Variants in COL25A1 observed in about 807,000 individuals in gnomAD.
COL25A1 encodes the protein collagen type XXV alpha 1 chain, also known as collagen alpha-1(XXV) chain.
COL25A1 carries 103 observed loss-of-function variants against 128.4 expected under a neutral mutation model. The observed-to-expected ratio is 0.80, with a 90% CI of 0.68 to 0.94. The LOEUF (loss-of-function observed/expected upper bound fraction) is 0.94, where lower values mean the gene tolerates loss of function less well. Ranked by LOEUF, COL25A1 falls within the 40% of genes least tolerant of loss-of-function variation. The pLI, the probability that COL25A1 is intolerant of heterozygous loss-of-function variation, is 0.00. For synonymous variants in COL25A1, 279 were observed against 277.2 expected (o/e 1.01, Z -0.06); for missense variants, 745 against 840.0 (o/e 0.89, Z 1.40).
At chr4:109,247,947 T>A (rs941084039) in intron 3 of COL25A1, among the ~76,000 whole-genome samples, 5 of 152,112 alleles carry the variant, frequency 3.3e-5, no homozygotes, top group Admixed American at 6.5e-5. Flanking sequence ...GAGAGCTTAC[T>A]GTCATGAAAG....
intron 3 of COL25A1, among the ~76,000 whole-genome samples, chr4:109,144,489 C>G (rs948589453): frequency 6.6e-6 from 1 of 152,192 alleles, no homozygotes; most frequent in Non-Finnish European, 1.5e-5. Flanking sequence ...GCTGAAGTTG[C>G]GCCCACAGCC....
chr4:108,894,146 A>G (rs757034835), intron 16 of COL25A1, among the ~76,000 whole-genome samples: 5 of 152,234 alleles, frequency 3.3e-5, no homozygotes, highest in African/African-American at 4.8e-5. Flanking sequence ...TATATAAAAT[A>G]AGAACAGTAT....
intron 12 of COL25A1, among the ~76,000 whole-genome samples, chr4:108,919,630 T>C (rs1425846313): frequency 6.6e-6 from 1 of 151,866 alleles, no homozygotes; most frequent in African/African-American, 2.4e-5. Flanking sequence ...GCTTGAGGGG[T>C]GTAAGGATGG....
chr4:109,022,852 G>A (rs188269731), intron 5 of COL25A1, among the ~76,000 whole-genome samples: 6 of 152,190 alleles, frequency 3.9e-5, no homozygotes, highest in East Asian at 1.9e-4. Context: ...CACTGCTTTG[G>A]GGTGTTACAG....
At chr4:109,058,484 T>C (rs866089189) in intron 3 of COL25A1, among the ~76,000 whole-genome samples, 2 of 152,188 alleles carry the variant, frequency 1.3e-5, no homozygotes, top group South Asian at 2.1e-4. Flanking sequence ...ATGTTTCTAA[T>C]GGAACTGAGA....
intron 3 of COL25A1, among the ~76,000 whole-genome samples, chr4:109,200,185 C>G (rs1776435699): frequency 6.6e-6 from 1 of 152,192 alleles, no homozygotes. Flanking sequence ...AGTCTTTCTC[C>G]AGCAGCTCCT....
intron 13 of COL25A1, among the ~76,000 whole-genome samples, chr4:108,901,381 T>C (rs1345793735): frequency 4.6e-5 from 7 of 152,122 alleles, no homozygotes; most frequent in Admixed American, 3.3e-4. Context: ...TTGTTCAGTC[T>C]TCTCATCATT....
intron 3 of COL25A1, among the ~76,000 whole-genome samples, chr4:109,137,273 C>T (rs936143328): frequency 6.6e-6 from 1 of 152,174 alleles, no homozygotes; most frequent in Non-Finnish European, 1.5e-5. Context: ...GTAACACTCT[C>T]ACATTAAGCT....
intron 6 of COL25A1, among the ~76,000 whole-genome samples, chr4:108,998,809 C>T (rs1462342531): frequency 2.0e-5 from 3 of 152,018 alleles, no homozygotes; most frequent in Admixed American, 1.3e-4. Context: ...GAAATAACAC[C>T]ACACATCTAC....
intron 3 of COL25A1, among the ~76,000 whole-genome samples, chr4:109,134,603 A>G (rs1195137885): frequency 5.3e-5 from 8 of 152,178 alleles, no homozygotes; most frequent in African/African-American, 1.7e-4. Flanking sequence ...TTGGGGAAGA[A>G]AAAGCTAAGA....
intron 13 of COL25A1, among the ~76,000 whole-genome samples, chr4:108,905,820 A>G (rs1405145): frequency 0.49 from 71,284 of 146,828 alleles, 19,207 homozygotes; most frequent in East Asian, 0.93. Context: ...AAAATGCACC[A>G]GAGAACTCTG....
intron 29 of COL25A1, 81 bp downstream of exon 29, chr4:108,845,108 G>A: frequency 8.5e-7 from 1 of 1,177,824 alleles, no homozygotes. Flanking sequence ...GCAGCCATCT[G>A]GCAGAGGTGG....
intron 19 of COL25A1, among the ~76,000 whole-genome samples, chr4:108,882,208 G>C (rs1172217539): frequency 6.6e-6 from 1 of 151,344 alleles, no homozygotes; most frequent in Non-Finnish European, 1.5e-5. Flanking sequence ...ATATTTTTGT[G>C]ATGGAGGATA....
At chr4:108,985,269 ACT>A (rs1753556920) in intron 6 of COL25A1, among the ~76,000 whole-genome samples, 1 of 151,204 alleles carries the variant, frequency 6.6e-6, no homozygotes, top group Non-Finnish European at 1.5e-5. Context: ...TGCCCCAGTT[ACT>A]CTTTTTCTCA....
At chr4:108,947,608 A>T (rs544017482) in intron 8 of COL25A1, among the ~76,000 whole-genome samples, 1 of 152,300 alleles carries the variant, frequency 6.6e-6, no homozygotes, top group East Asian at 1.9e-4. Context: ...AAAGAAGATG[A>T]AAAGGAGTGG....
At chr4:109,008,987 G>A (rs1047325205) in intron 6 of COL25A1, among the ~76,000 whole-genome samples, 8 of 152,028 alleles carry the variant, frequency 5.3e-5, no homozygotes, top group Admixed American at 1.3e-4. Context: ...CAGGCATGGT[G>A]GCAGGTGGCC....
chr4:109,057,869 T>C (rs972120969), intron 3 of COL25A1, among the ~76,000 whole-genome samples: 1 of 152,132 alleles, frequency 6.6e-6, no homozygotes, highest in Non-Finnish European at 1.5e-5. Context: ...TTTATTAATT[T>C]TATAAGTAGA....
intron 6 of COL25A1, among the ~76,000 whole-genome samples, chr4:109,007,892 T>G (rs1257782082): frequency 6.6e-6 from 1 of 152,204 alleles, no homozygotes; most frequent in Non-Finnish European, 1.5e-5. Context: ...AGTGCTGGTT[T>G]ATGATCTTTC....
chr4:109,218,357 GT>G (rs34056401), intron 3 of COL25A1, among the ~76,000 whole-genome samples: 1,065 of 73,522 alleles, frequency 0.014, 18 homozygotes, highest in African/African-American at 0.049. Context: ...GTTTTTTGGG[GT>G]TTTTTTTTTT....
Sources: allele counts gnomAD v4.1 joint callset (sites outside exome capture counted in the v4.1 genomes callset), GRCh38; gene constraint gnomAD v4.1.1; transcripts MANE v1.5; gene names NCBI Gene and HGNC (gene_info 2026-07-23, HGNC 2026-07-21).